The following USP24 variants were observed in gnomAD, a reference collection of about 807,000 sequenced individuals.
USP24 encodes ubiquitin carboxyl-terminal hydrolase 24.
In USP24, 97 loss-of-function variants were observed where a neutral mutation model predicts 361.6. That is an observed-to-expected ratio of 0.27 (90% confidence interval 0.23 to 0.32). USP24 has a LOEUF of 0.32. Among genes scored for constraint, USP24 ranks in the 10% least tolerant of loss-of-function variants. USP24 has a pLI of 1.00. For missense variants in USP24, 2,353 were observed against 3,165.6 expected (o/e 0.74, Z 6.16); for synonymous variants, 1,098 against 1,124.6 (o/e 0.98, Z 0.47).
rs763588350 is a variant in USP24 at position 55,147,708 on chromosome 1, C to A, written c.2059G>T (p.Ala687Ser). 46 of 1,612,064 alleles carry A rather than the reference C, an allele frequency of 2.9e-5. No homozygotes were observed. The highest frequency in any genetic ancestry group is 3.9e-5 in the Non-Finnish European group (46 of 1,179,090). ...IACHRLAAAV[A>S]GPGGLSGSTL... ...GAGCCACTTAAGCCTCCAGGCCCGG[C>A]CACAGCAGCTGCAAGCCGATGACAA... The change falls in exon 18 of 68, where the codon GCC becomes TCC. Residue 687 changes from alanine (A) to serine (S), a missense_variant. By Grantham distance (99) the Ala-to-Ser change is moderately conservative (BLOSUM62 1). Coordinates refer to ENST00000294383, the MANE Select transcript of USP24 (RefSeq NM_015306.3).
intron 1 of USP24, among the ~76,000 whole-genome samples, chr1:55,184,079 C>G (rs1267324037): frequency 2.0e-5 from 3 of 151,980 alleles, no homozygotes; most frequent in East Asian, 1.9e-4. Context: ...TTTTTTGAGA[C>G]AGGGTCTGGC....
chr1:55,103,831 G>A, intron 42 of USP24, 45 bp downstream of exon 42: 1 of 1,576,142 alleles, frequency 6.3e-7, no homozygotes, highest in Non-Finnish European at 8.6e-7. Flanking sequence ...ATGTTTCAGA[G>A]ATCATTCTAA....
At chr1:55,094,235 A>G (rs2100481267) in intron 51 of USP24, 148 bp from the exon 52 acceptor site, 1 of 759,368 alleles carries the variant, frequency 1.3e-6, no homozygotes, top group East Asian at 2.7e-5. Context: ...ACATAAATAT[A>G]TACAATCATA....
chr1:55,129,356 T>TA, intron 32 of USP24, 121 bp downstream of exon 32: 2 of 640,202 alleles, frequency 3.1e-6, no homozygotes, highest in Non-Finnish European at 5.2e-6. Flanking sequence ...CTTCTTATAA[T>TA]AACTCTCACA....
intron 1 of USP24, among the ~76,000 whole-genome samples, chr1:55,195,743 T>C (rs941797192): frequency 5.9e-5 from 9 of 152,128 alleles, no homozygotes; most frequent in Admixed American, 2.0e-4. Context: ...ATCTGAAGTA[T>C]TGAAGCTCAG....
At chr1:55,086,804 G>A (rs935341047) in intron 55 of USP24, among the ~76,000 whole-genome samples, 21 of 152,222 alleles carry the variant, frequency 1.4e-4, no homozygotes, top group African/African-American at 5.1e-4. Flanking sequence ...GGTATCCTGT[G>A]TGAGAGCTGA....
chr1:55,132,954 C>T (rs1646633421), intron 30 of USP24, among the ~76,000 whole-genome samples: 1 of 152,138 alleles, frequency 6.6e-6, no homozygotes, highest in Non-Finnish European at 1.5e-5. Context: ...CTAAGCAACA[C>T]CTGAGAAGGT....
chr1:55,125,522 G>C lies in USP24; in HGVS notation c.3758C>G (p.Pro1253Arg). The change falls in exon 34 of 68, where the codon CCC (proline) becomes CGC (arginine). Residue 1253 changes from proline to arginine, a missense_variant. By Grantham distance (103) the Pro-to-Arg change is moderately radical (BLOSUM62 -2). Coordinates refer to ENST00000294383, the MANE Select transcript of USP24 (RefSeq NM_015306.3). ...ARFLLVGQTM[P>R]TLLDEDLTKD... ...GGTGAGGTCTTCATCTAATAACGTG[G>C]GCATTGTTTGTCCGACAAGTAAAAA... 6.2e-7 allele frequency: 1 copy of C among 1,613,650 alleles called. No individual in the cohort carries two copies. The highest frequency in any genetic ancestry group is 1.1e-5 in the South Asian group (1 of 91,056).
At chr1:55,203,044 A>G (rs1234554056) in intron 1 of USP24, among the ~76,000 whole-genome samples, 2 of 152,212 alleles carry the variant, frequency 1.3e-5, no homozygotes, top group African/African-American at 4.8e-5. Context: ...CCTGTTGTTA[A>G]TCTCTTACTG....
chr1:55,071,468 G>A (rs1644916901), intron 67 of USP24: 1 of 1,040,618 alleles, frequency 9.6e-7, no homozygotes, highest in East Asian at 7.6e-5. Context: ...GCTGGTGAGA[G>A]CAAACGAGGG....
intron 32 of USP24, 126 bp from the exon 33 acceptor site, chr1:55,125,884 G>A (rs1646414726): frequency 1.3e-6 from 1 of 756,396 alleles, no homozygotes; most frequent in Non-Finnish European, 2.1e-6. Context: ...GTCATAAAAA[G>A]AGCCTACATA....
chr1:55,200,350 G>A (rs1644537681), intron 1 of USP24, among the ~76,000 whole-genome samples: 3 of 152,172 alleles, frequency 2.0e-5, no homozygotes, highest in Admixed American at 1.3e-4. Context: ...ATCTGATGTT[G>A]GCCATCCCTA....
In USP24 at chr1:55,215,045, G is replaced by C. The variant is rs1421139651; in HGVS notation, c.69C>G (p.Ile23Met). 4 of 1,470,800 alleles carry C rather than the reference G, an allele frequency of 2.7e-6. No individual in the cohort carries two copies. The highest frequency in any genetic ancestry group is 1.4e-5 in the African/African-American group (1 of 69,316). The allele number at this position is 1,470,800 out of a possible 1,614,324, so 91.1% of individuals were successfully genotyped here. A position where few individuals can be genotyped will look rare whatever the true frequency, so the allele number is the denominator to read the frequency against. The change falls in exon 1 of 68, where the codon ATC becomes ATG. Residue 23 changes from isoleucine to methionine, a missense_variant. Physicochemically the swap from Ile to Met is conservative, Grantham distance 10 (BLOSUM62 1). Around this residue, in one of 8 missense-constraint regions of USP24, gnomAD observed 253 missense variants for 255.3 expected, o/e 0.99. Coordinates refer to ENST00000294383, the MANE Select transcript of USP24 (RefSeq NM_015306.3). ...TCTTGGCCAGGCGCAGGGCCTTGCG[G>C]ATGGTGGCGGGGTCTGAGAAGCCCA... Reference protein sequence around the residue: ...LCMGFSDPATIRKALRLAKND... With the variant: ...LCMGFSDPATMRKALRLAKND...
Position 55,146,043 on chromosome 1 carries a change from T to G in USP24, c.2317A>C (p.Lys773Gln), listed in dbSNP as rs772750703. The G allele has an allele frequency of 6.2e-7, 1 of 1,613,092 alleles. No homozygotes were observed. The change falls in exon 20 of 68, where the codon AAG (lysine) becomes CAG (glutamine). Residue 773 changes from lysine (K) to glutamine (Q), a missense_variant. Transcript: ENST00000294383. Reference protein sequence around the residue: ...LESDVQQQLFKEKILKLESYE... With the variant: ...LESDVQQQLFQEKILKLESYE... ...GACTCCAATTTAAGAATTTTCTCCT[T>G]GAAGAGCTGCTGCTGAACATCACTC... is the stretch of plus-strand genomic sequence containing the variant.
chr1:55,172,950 A>G (rs962706632), intron 3 of USP24, among the ~76,000 whole-genome samples: 1 of 152,170 alleles, frequency 6.6e-6, no homozygotes, highest in Non-Finnish European at 1.5e-5. Flanking sequence ...TACTTCATAC[A>G]AATGTTATGA....
rs944799565 is a variant in USP24 at position 55,166,484 on chromosome 1, A to G, written c.861+84T>C. The G allele has an allele frequency of 2.3e-5, 29 of 1,254,578 alleles. No individual in the cohort carries two copies. The African/African-American group carries it at 3.1e-4, about 13-fold the overall frequency. The allele number at this position is 1,254,578 out of a possible 1,614,324, so 77.7% of individuals were successfully genotyped here. A position where few individuals can be genotyped will look rare whatever the true frequency, so the allele number is the denominator to read the frequency against. ...TTTTTTATTATTCTCTGCAGCTGCC[A>G]TTTGCTTAATATACCAAACTCTAGG... is the stretch of plus-strand genomic sequence containing the variant. On this transcript the variant is annotated intron_variant, in intron 6 of 67. Coordinates refer to ENST00000294383, the MANE Select transcript of USP24 (RefSeq NM_015306.3).
At chr1:55,144,083 A>G (rs765633531) in intron 21 of USP24, 44 bp downstream of exon 21, 21 of 1,460,994 alleles carry the variant, frequency 1.4e-5, no homozygotes, top group Non-Finnish European at 1.9e-5. Flanking sequence ...ATCAAGTTAT[A>G]CTAGATTATC....
intron 32 of USP24, 101 bp from the exon 33 acceptor site, chr1:55,125,859 T>C: frequency 1.1e-6 from 1 of 946,240 alleles, no homozygotes; most frequent in Non-Finnish European, 1.6e-6. Flanking sequence ...AATTACTTAG[T>C]TTCTACATGA....
Position 55,145,992 on chromosome 1 carries a change from T to C in USP24, c.2362+6A>G. Reference sequence around the variant, plus strand: ...CTGAAAAAAATGATTTTAAGTTTTTTCCTACCATTCATAGTGATTTCATAT... The same window carrying C: ...CTGAAAAAAATGATTTTAAGTTTTTCCCTACCATTCATAGTGATTTCATAT... On this transcript the variant is annotated splice_donor_region_variant and intron_variant, in intron 20 of 67. Coordinates refer to ENST00000294383, the MANE Select transcript of USP24 (RefSeq NM_015306.3). 2 of 1,592,144 alleles carry C rather than the reference T, an allele frequency of 1.3e-6. No homozygotes were observed. The highest frequency in any genetic ancestry group is 1.7e-6 in the Non-Finnish European group (2 of 1,163,258).
Sources: allele counts gnomAD v4.1 joint callset (sites outside exome capture counted in the v4.1 genomes callset), GRCh38; gene constraint gnomAD v4.1.1; regional missense constraint gnomAD v4.1.1; transcripts MANE v1.5; gene names NCBI Gene and HGNC (gene_info 2026-07-23, HGNC 2026-07-21).